The following AQR variants were observed in gnomAD, a reference collection of about 807,000 sequenced individuals.
AQR encodes RNA helicase aquarius.
AQR carries 61 observed loss-of-function variants against 180.5 expected under a neutral mutation model. The observed-to-expected ratio is 0.34, with a 90% CI of 0.28 to 0.42. The LOEUF (loss-of-function observed/expected upper bound fraction) is 0.42, where lower values mean the gene tolerates loss of function less well. AQR is among the 10% of genes least tolerant of loss of function. The pLI, the probability that AQR is intolerant of heterozygous loss-of-function variation, is 1.00. For missense variants in AQR, 1,281 were observed against 1,798.3 expected (o/e 0.71, Z 5.20); for synonymous variants, 551 against 588.8 (o/e 0.94, Z 0.93).
At chr15:34,873,365 T>A (rs1445544548) in intron 30 of AQR, among the ~76,000 whole-genome samples, 1 of 152,166 alleles carries the variant, frequency 6.6e-6, no homozygotes, top group Non-Finnish European at 1.5e-5. Flanking sequence ...GTTATAGAAG[T>A]GAAAATGTAA....
intron 19 of AQR, among the ~76,000 whole-genome samples, chr15:34,901,977 G>A (rs1237651413): frequency 6.6e-6 from 1 of 152,186 alleles, no homozygotes; most frequent in Non-Finnish European, 1.5e-5. Flanking sequence ...GTCCTTAACT[G>A]TAACACAAAG....
chr15:34,852,616 G>A lies in AQR; in HGVS notation c.*4176C>T, dbSNP rs1892531513. ...TTATGCTCTAATAAGTTTGGGAAAT[G>A]CTAGGTTAAACAAAGCTAAACATGA... On this transcript the variant is annotated 3_prime_UTR_variant, in exon 35 of 35. Transcript: ENST00000156471. 1 of 152,082 alleles carries A rather than the reference G, an allele frequency of 6.6e-6. No individual in the cohort carries two copies. The highest frequency in any genetic ancestry group is 6.6e-5 in the Admixed American group (1 of 15,264). 9.4% of individuals were successfully genotyped at this position (152,082 alleles called of 1,614,324 possible). A position where few individuals can be genotyped will look rare whatever the true frequency, so the allele number is the denominator to read the frequency against.
intron 13 of AQR, among the ~76,000 whole-genome samples, chr15:34,925,890 C>A (rs186475760): frequency 3.4e-4 from 51 of 152,002 alleles, no homozygotes; most frequent in Middle Eastern, 3.4e-3. Context: ...AAAATAAGGC[C>A]GGGCGCGGTG....
chr15:34,906,336 A>C lies in AQR; in HGVS notation c.1831+209T>G, dbSNP rs534012137. ...CAGTGAGCCGAGATTGTGCCACTGA[A>C]CTCCAGCCTGTGTGACACAGTGAGA... On this transcript the variant is annotated intron_variant, in intron 18 of 34. Coordinates refer to ENST00000156471, the MANE Select transcript of AQR (RefSeq NM_014691.3). Among the ~76,000 whole-genome samples the C allele has an allele frequency of 4.1e-4, 63 of 152,100 alleles. 1 individual carries two copies. Among genetic ancestry groups the C allele is most frequent in the South Asian group, 2.9e-3 (14 of 4,816 alleles).
At chr15:34,901,703 T>C (rs1301305014) in intron 19 of AQR, among the ~76,000 whole-genome samples, 1 of 152,260 alleles carries the variant, frequency 6.6e-6, no homozygotes, top group African/African-American at 2.4e-5. Context: ...TCATGTTGCC[T>C]TGCTTTATGT....
In AQR at chr15:34,938,733, A is replaced by ATAGC. The variant is rs3841584; in HGVS notation, c.718+3_718+4insGCTA. 9.7e-5 allele frequency: 150 copies of ATAGC among 1,546,480 alleles called. 2 individuals are homozygous for ATAGC. In the South Asian group the frequency reaches 1.6e-3, roughly 16 times the overall value. On this transcript the variant is annotated splice_donor_region_variant and intron_variant, in intron 9 of 34. Transcript: ENST00000156471. ...ACAAATGCACTGAGTAAAAAAGAAG[A>ATAGC]TACCAGAAAGTGGGACTGATTTCAG...
At chr15:34,934,069 G>GT (rs1367391037) in intron 10 of AQR, among the ~76,000 whole-genome samples, 3 of 152,128 alleles carry the variant, frequency 2.0e-5, no homozygotes, top group African/African-American at 7.2e-5. Context: ...GGAGGCTGCA[G>GT]TGAGCCGAGA....
chr15:34,857,237 G>A (rs950621677), intron 34 of AQR, 131 bp from the exon 35 acceptor site: 12 of 784,504 alleles, frequency 1.5e-5, no homozygotes, highest in Non-Finnish European at 2.3e-5. Context: ...TAACACCTCT[G>A]ATGACAATGG....
At chr15:34,890,054 T>C (rs569623547) in intron 24 of AQR, among the ~76,000 whole-genome samples, 161 bp downstream of exon 24, 12 of 152,326 alleles carry the variant, frequency 7.9e-5, no homozygotes, top group Admixed American at 4.6e-4. Flanking sequence ...CTGAGGGACA[T>C]CATGACCATA....
intron 4 of AQR, among the ~76,000 whole-genome samples, chr15:34,951,710 A>G (rs1035909369): frequency 1.3e-5 from 2 of 151,402 alleles, no homozygotes; most frequent in Admixed American, 6.6e-5. Flanking sequence ...TGATGCTTTC[A>G]ATCTGTTTTG....
At position 34,852,502 on chromosome 15, in the gene AQR, C is replaced by G. The variant is rs1892529603; in HGVS notation, c.*4290G>C. 1 of 151,928 alleles carries G rather than the reference C, an allele frequency of 6.6e-6. No homozygotes were observed. Among genetic ancestry groups the G allele is most frequent in the African/African-American group, 2.4e-5 (1 of 41,372 alleles). The allele number at this position is 151,928 out of a possible 1,614,324, so 9.4% of individuals were successfully genotyped here. Reference sequence around the variant, plus strand: ...CTAAGGAAATAGCTACCTAAGGTATCTTATTAAAACAAATGAACAAAAAGT... The same window carrying G: ...CTAAGGAAATAGCTACCTAAGGTATGTTATTAAAACAAATGAACAAAAAGT... On this transcript the variant is annotated 3_prime_UTR_variant, in exon 35 of 35. Coordinates refer to ENST00000156471, the MANE Select transcript of AQR (RefSeq NM_014691.3).
At chr15:34,941,767 C>T (rs538902820) in intron 7 of AQR, among the ~76,000 whole-genome samples, 3 of 152,216 alleles carry the variant, frequency 2.0e-5, no homozygotes, top group Non-Finnish European at 4.4e-5. Flanking sequence ...AAATTAACCC[C>T]CTTTCTCTAT....
intron 6 of AQR, among the ~76,000 whole-genome samples, chr15:34,944,071 T>A (rs1307509039): frequency 6.6e-6 from 1 of 152,234 alleles, no homozygotes; most frequent in Non-Finnish European, 1.5e-5. Context: ...AGTATCAATT[T>A]CAAATCTATT....
rs562204024 is a variant in AQR, at chr15:34,885,869, GAACA to G, written c.2817+653_2817+656del. Reference sequence around the variant, plus strand: ...TATCTAAAATATACAATTGGCATTAGAACAAAGAGAACAAATGAAGTTATACAAA... The same window carrying G: ...TATCTAAAATATACAATTGGCATTAGAAGAGAACAAATGAAGTTATACAAA... On this transcript the variant is annotated intron_variant, in intron 25 of 34. Coordinates refer to ENST00000156471, the MANE Select transcript of AQR (RefSeq NM_014691.3). Among the ~76,000 whole-genome samples, 176 of 152,228 alleles carry G rather than the reference GAACA, an allele frequency of 1.2e-3. 1 individual carries two copies. Among genetic ancestry groups the G allele is most frequent in the African/African-American group, 4.0e-3 (168 of 41,550 alleles).
chr15:34,950,320 C>T (rs1333066244), intron 4 of AQR, among the ~76,000 whole-genome samples: 1 of 151,968 alleles, frequency 6.6e-6, no homozygotes, highest in Non-Finnish European at 1.5e-5. Flanking sequence ...GATCTCTTGA[C>T]CTTGTGATCC....
chr15:34,890,360 A>C, intron 23 of AQR, 36 bp from the exon 24 acceptor site: 1 of 1,549,634 alleles, frequency 6.5e-7, no homozygotes, highest in Non-Finnish European at 8.8e-7. Flanking sequence ...CGGCACCTTT[A>C]AACGTAGCAA....
At chr15:34,907,009 T>C (rs1194513928) in intron 17 of AQR, among the ~76,000 whole-genome samples, 1 of 152,220 alleles carries the variant, frequency 6.6e-6, no homozygotes, top group Non-Finnish European at 1.5e-5. Context: ...AAATTGGATG[T>C]TCGTCATCAT....
rs186831899 is a variant in AQR, at chr15:34,866,591, G to A, written c.3854+933C>T. Among the ~76,000 whole-genome samples, 7 of 152,104 alleles carry A rather than the reference G, an allele frequency of 4.6e-5. No homozygotes were observed. The East Asian group carries it at 1.2e-3, about 25-fold the overall frequency. ...AAAAAGGTAGGGAGAGGAGGGGGGCGGAAGGAGTATTCATATATTCATACT... is the reference window on the plus strand; with the variant it reads ...AAAAAGGTAGGGAGAGGAGGGGGGCAGAAGGAGTATTCATATATTCATACT... On this transcript the variant is annotated intron_variant, in intron 32 of 34. Transcript: ENST00000156471.
chr15:34,959,053 G>GAC (rs1266288568), intron 3 of AQR, among the ~76,000 whole-genome samples: 2 of 152,006 alleles, frequency 1.3e-5, no homozygotes, highest in African/African-American at 4.8e-5. Flanking sequence ...CCGTCTGTCT[G>GAC]ACCTACTAGA....
Sources: allele counts gnomAD v4.1 joint callset (sites outside exome capture counted in the v4.1 genomes callset), GRCh38; gene constraint gnomAD v4.1.1; transcripts MANE v1.5; gene names NCBI Gene and HGNC (gene_info 2026-07-23, HGNC 2026-07-21).